UNC80: variants seen among roughly 807,000 people sequenced by gnomAD.
UNC80 encodes unc-80 subunit of NALCN channel complex.
A neutral mutation model predicts 384.6 loss-of-function variants in UNC80; 164 were observed. The observed-to-expected ratio is 0.43, with a 90% CI of 0.38 to 0.49. UNC80 has a LOEUF of 0.49. UNC80 is among the 20% of genes least tolerant of loss of function. The pLI is 0.00. For missense variants in UNC80, 3,330 were observed against 4,143.0 expected (o/e 0.80, Z 5.39); for synonymous variants, 1,486 against 1,527.8 (o/e 0.97, Z 0.64).
intron 21 of UNC80, among the ~76,000 whole-genome samples, chr2:209,846,894 A>G (rs1317695710): frequency 6.6e-6 from 1 of 152,130 alleles, no homozygotes; most frequent in Non-Finnish European, 1.5e-5. Flanking sequence ...TCAGTGTATC[A>G]TTAAAAATAC....
At chr2:209,842,108 C>T (rs1213678051) in intron 20 of UNC80, among the ~76,000 whole-genome samples, 4 of 152,170 alleles carry the variant, frequency 2.6e-5, no homozygotes, top group African/African-American at 9.7e-5. Flanking sequence ...ATTTTTATAG[C>T]ACCTGATTAT....
chr2:209,887,671 A>C (rs1038013782), intron 25 of UNC80, among the ~76,000 whole-genome samples: 2 of 152,148 alleles, frequency 1.3e-5, no homozygotes, highest in African/African-American at 4.8e-5. Context: ...CTCAGTTTCT[A>C]TCTTGGGATT....
intron 22 of UNC80, among the ~76,000 whole-genome samples, chr2:209,869,615 A>G (rs1012782360): frequency 6.6e-6 from 1 of 152,184 alleles, no homozygotes; most frequent in African/African-American, 2.4e-5. Context: ...CACCAGGCTA[A>G]TAATGATTAT....
intron 22 of UNC80, among the ~76,000 whole-genome samples, chr2:209,860,225 T>A (rs1054895731): frequency 6.6e-6 from 1 of 152,158 alleles, no homozygotes; most frequent in African/African-American, 2.4e-5. Flanking sequence ...AAGGAAGGCG[T>A]CCAGTTTCAG....
intron 38 of UNC80, among the ~76,000 whole-genome samples, chr2:209,932,147 CT>C (rs1200521506): frequency 6.6e-6 from 1 of 152,138 alleles, no homozygotes; most frequent in Non-Finnish European, 1.5e-5. Flanking sequence ...GCTCCTGGCA[CT>C]GTTTGCCAGG....
At position 209,908,074 on chromosome 2, in the gene UNC80, T is replaced by G. The variant is rs114753634; in HGVS notation, c.4782+3109T>G. Among the ~76,000 whole-genome samples the G allele has an allele frequency of 2.4e-3, 364 of 152,364 alleles. 3 individuals carry two copies. Among genetic ancestry groups the G allele is most frequent in the African/African-American group, 8.3e-3 (346 of 41,592 alleles). On this transcript the variant is annotated intron_variant, in intron 29 of 64. Coordinates refer to ENST00000673920, the MANE Select transcript of UNC80 (RefSeq NM_001371986.1). ...ACATTTTATTTGCAAAATGCTAGCC[T>G]CCTCCACAAGCTCTTTGCTTTCTCT...
chr2:209,793,603 A>C (rs971440617), intron 6 of UNC80, 117 bp from the exon 7 acceptor site: 18 of 1,255,800 alleles, frequency 1.4e-5, no homozygotes, highest in African/African-American at 6.0e-5. Context: ...CTATAGTGAA[A>C]AAAAGCCCAT....
At chr2:209,772,621 C>T (rs1298226604) in intron 1 of UNC80, among the ~76,000 whole-genome samples, 1 of 152,078 alleles carries the variant, frequency 6.6e-6, no homozygotes, top group African/African-American at 2.4e-5. Context: ...AGTTAAATCT[C>T]CTGAGGATTT....
Position 209,954,282 on chromosome 2 carries a change from G to A in UNC80, c.7457+12G>A. The A allele has an allele frequency of 6.8e-7, 1 of 1,463,336 alleles. No individual in the cohort carries two copies. The highest frequency in any genetic ancestry group is 1.4e-5 in the South Asian group (1 of 69,222). The allele number at this position is 1,463,336 out of a possible 1,614,324, so 90.6% of individuals were successfully genotyped here. A position where few individuals can be genotyped will look rare whatever the true frequency, so the allele number is the denominator to read the frequency against. On this transcript the variant is annotated intron_variant, in intron 48 of 64. Transcript: ENST00000673920. ...GAGGTCCTCACCAGGTAATCCCATT[G>A]GCAGAAATAGCTACAGCCTTACATC...
intron 22 of UNC80, among the ~76,000 whole-genome samples, chr2:209,854,950 A>G (rs2082791551): frequency 6.6e-6 from 1 of 152,246 alleles, no homozygotes; most frequent in African/African-American, 2.4e-5. Flanking sequence ...TACTGGGTAT[A>G]TACCCAAAGG....
rs1404940910 is a variant in UNC80, at chr2:209,872,659, G to A, written c.3628-99G>A. ...GCCAATATAAATCAAAACATGAAGA[G>A]GAAAATAAACTAAAAATACACAGTA... On this transcript the variant is annotated intron_variant, in intron 22 of 64. Transcript: ENST00000673920. The surrounding 1 kb of genome is among the most constrained non-coding windows in gnomAD (Gnocchi z 4.1). 1.8e-6 allele frequency: 2 copies of A among 1,137,832 alleles called. No homozygotes were observed. The highest frequency in any genetic ancestry group is 1.5e-5 in the African/African-American group (1 of 64,610). The allele number at this position is 1,137,832 out of a possible 1,614,324, so 70.5% of individuals were successfully genotyped here. A position where few individuals can be genotyped will look rare whatever the true frequency, so the allele number is the denominator to read the frequency against.
intron 18 of UNC80, among the ~76,000 whole-genome samples, chr2:209,838,778 G>A (rs982218332): frequency 1.3e-5 from 2 of 151,908 alleles, no homozygotes; most frequent in African/African-American, 2.4e-5. Flanking sequence ...TGGCTAACAC[G>A]GTGAAACCCC....
intron 47 of UNC80, among the ~76,000 whole-genome samples, chr2:209,951,040 G>A (rs2092153620): frequency 6.6e-6 from 1 of 151,978 alleles, no homozygotes; most frequent in African/African-American, 2.4e-5. Context: ...GGGCATGGTG[G>A]TGCATGCCTG....
chr2:209,944,229 G>A (rs1015481426), intron 45 of UNC80, among the ~76,000 whole-genome samples: 3 of 152,114 alleles, frequency 2.0e-5, no homozygotes, highest in African/African-American at 7.2e-5. Flanking sequence ...TCATAAAAGA[G>A]ATGGAAAGTA....
At chr2:209,817,287 A>G (rs1030205733) in intron 10 of UNC80, among the ~76,000 whole-genome samples, 162 bp downstream of exon 10, 6 of 152,218 alleles carry the variant, frequency 3.9e-5, no homozygotes, top group Admixed American at 3.9e-4. Context: ...GTGTTTTCAC[A>G]GCCAAATAAA....
Position 209,877,973 on chromosome 2 carries a change from A to T in UNC80, c.3860A>T (p.Asn1287Ile). 1 of 1,535,784 alleles carries T rather than the reference A, an allele frequency of 6.5e-7. No individual in the cohort carries two copies. Among genetic ancestry groups the T allele is most frequent in the African/African-American group, 1.4e-5 (1 of 72,246 alleles). The change falls in exon 24 of 65, where the codon AAT becomes ATT. Residue 1287 changes from asparagine (N) to isoleucine (I), a missense_variant. Transcript: ENST00000673920. ...QWGDAIGVRL[N>I]ELCHGESESP... ...TTTTAGGCAATTGGCGTCCGATTGA[A>T]TGAGCTGTGCCACGGGGAAAGTGAG...
At chr2:209,938,648 A>G (rs999345064) in intron 42 of UNC80, among the ~76,000 whole-genome samples, 1 of 149,954 alleles carries the variant, frequency 6.7e-6, no homozygotes, top group Non-Finnish European at 1.5e-5. Context: ...TTGAAACCCT[A>G]ATCAATAATG....
At chr2:209,946,090 G>GCCACCACACC in intron 47 of UNC80, 147 bp downstream of exon 47, 3 of 651,544 alleles carry the variant, frequency 4.6e-6, no homozygotes, top group Non-Finnish European at 7.9e-6. Flanking sequence ...GCCAGGTGTG[G>GCCACCACACC]TGGCTCACAC....
chr2:209,986,494 T>G (rs143938183), intron 61 of UNC80, among the ~76,000 whole-genome samples: 3 of 152,322 alleles, frequency 2.0e-5, no homozygotes, highest in African/African-American at 7.2e-5. Flanking sequence ...CTGGTTCCAG[T>G]GTCAATGGAA....
Sources: gnomAD v4.1 joint callset for allele counts (sites outside exome capture counted in the v4.1 genomes callset) on GRCh38, gnomAD v4.1.1 for gene constraint, Gnocchi (gnomAD v3.1) non-coding constraint, MANE v1.5 for transcripts, NCBI Gene and HGNC (gene_info 2026-07-23, HGNC 2026-07-21) for gene names.